VIP: variants seen among roughly 807,000 people sequenced by gnomAD.
VIP encodes VIP peptides.
A neutral mutation model predicts 20.1 loss-of-function variants in VIP; 18 were observed. The ratio of observed to expected loss-of-function variants is 0.90; its 90% confidence interval spans 0.62 to 1.33. The LOEUF (loss-of-function observed/expected upper bound fraction) is 1.33, where lower values mean the gene tolerates loss of function less well. Among genes scored for constraint, VIP ranks in the 40% most tolerant of loss-of-function variants. The pLI is 0.00. For missense variants in VIP, 209 were observed against 199.4 expected, an observed-to-expected ratio of 1.05 and a Z score of -0.29; for synonymous variants, 70 against 68.1, an observed-to-expected ratio of 1.03 and a Z score of -0.14.
At chr6:152,757,052 T>C (rs757733545) in intron 5 of VIP, 44 bp from the exon 6 acceptor site, 1 of 1,598,286 alleles carries the variant, frequency 6.3e-7, no homozygotes. Flanking sequence ...AGACCCTTTC[T>C]CATCTGAGAG....
At chr6:152,754,828 G>GA (rs1207475404) in intron 3 of VIP, among the ~76,000 whole-genome samples, 11 of 149,654 alleles carry the variant, frequency 7.4e-5, no homozygotes, top group East Asian at 2.0e-4. Flanking sequence ...TTTGGAAAAA[G>GA]AAAAAAAAAG....
At position 152,757,077 on chromosome 6, in the gene VIP, A is replaced by G. The variant is rs778432313; in HGVS notation, c.468-19A>G. 9 of 1,611,232 alleles carry G rather than the reference A, an allele frequency of 5.6e-6. No individual in the cohort carries two copies. The highest frequency in any genetic ancestry group is 1.3e-5 in the African/African-American group (1 of 74,782). On this transcript the variant is annotated intron_variant, in intron 5 of 6. Coordinates refer to ENST00000367244, the MANE Select transcript of VIP (RefSeq NM_003381.4). Reference sequence around the variant, plus strand: ...TCATCTGAGAGCCTTAATATGTACAATGTTTTTCTGGTCTGCAGCAGTGAG... The same window carrying G: ...TCATCTGAGAGCCTTAATATGTACAGTGTTTTTCTGGTCTGCAGCAGTGAG...
At chr6:152,752,071 C>G in intron 1 of VIP, 97 bp from the exon 2 acceptor site, 1 of 728,238 alleles carries the variant, frequency 1.4e-6, no homozygotes, top group South Asian at 2.1e-5. Flanking sequence ...TCTTTACAAA[C>G]TCTGCAAGAG....
In VIP at chr6:152,755,288, G is replaced by A. The variant is rs1260431416; in HGVS notation, c.250G>A (p.Gly84Arg). 13 of 1,578,516 alleles carry A rather than the reference G, an allele frequency of 8.2e-6. No homozygotes were observed. The highest frequency in any genetic ancestry group is 2.3e-5 in the East Asian group (1 of 43,360). ...TTTTAGAAATGCCAGGCATGCTGAT[G>A]GAGTTTTCACCAGTGACTTCAGTAA... ...DVSRNARHADGVFTSDFSKLL... is the reference protein window; with the variant it reads ...DVSRNARHADRVFTSDFSKLL... The change falls in exon 4 of 7, where the codon GGA (glycine) becomes AGA (arginine). Residue 84 changes from glycine to arginine, a missense_variant. By Grantham distance (125) the Gly-to-Arg change is moderately radical. Transcript: ENST00000367244.
In VIP at chr6:152,757,181, A is replaced by G. The variant is rs2099730550; in HGVS notation, c.*40A>G. On this transcript the variant is annotated 3_prime_UTR_variant, in exon 6 of 7. Transcript: ENST00000367244. ...GGAGCAAAGCTGATGACAACTTCCC[A>G]GTGGTGGGTATATTCGTGCATTCCT... 4 of 1,595,530 alleles carry G rather than the reference A, an allele frequency of 2.5e-6. No homozygotes were observed. Among genetic ancestry groups the G allele is most frequent in the African/African-American group, 1.3e-5 (1 of 74,392 alleles).
In VIP at chr6:152,759,741, A is replaced by G. The variant is rs2099730953; in HGVS notation, c.*875A>G. 1 of 152,014 alleles carries G rather than the reference A, an allele frequency of 6.6e-6. No homozygotes were observed. Among genetic ancestry groups the G allele is most frequent in the South Asian group, 2.1e-4 (1 of 4,826 alleles). The allele number at this position is 152,014 out of a possible 1,614,324, so 9.4% of individuals were successfully genotyped here. The stretch of plus-strand genomic sequence containing the variant: ...TTAAGAAATCAAAGAGAGAAAATAA[A>G]GACCTTGCTTATGATTGCAGATAAT... On this transcript the variant is annotated 3_prime_UTR_variant, in exon 7 of 7. Transcript: ENST00000367244.
rs1049824331 is a variant in VIP, at chr6:152,759,444, T to C, written c.*578T>C. 3.9e-5 allele frequency: 6 copies of C among 152,006 alleles called. No individual in the cohort carries two copies. The highest frequency in any genetic ancestry group is 8.8e-5 in the Non-Finnish European group (6 of 67,942). The allele number at this position is 152,006 out of a possible 1,614,324, so 9.4% of individuals were successfully genotyped here. A position where few individuals can be genotyped will look rare whatever the true frequency, so the allele number is the denominator to read the frequency against. On this transcript the variant is annotated 3_prime_UTR_variant, in exon 7 of 7. Transcript: ENST00000367244. ...ATATTTTATAGGCAACCTTTATTTTTAATGGTGTTTTAAAAAATCTCAAAT... is the reference window on the plus strand; with the variant it reads ...ATATTTTATAGGCAACCTTTATTTTCAATGGTGTTTTAAAAAATCTCAAAT...
chr6:152,751,839 C>T (rs1372114423), intron 1 of VIP, among the ~76,000 whole-genome samples: 1 of 152,036 alleles, frequency 6.6e-6, no homozygotes, highest in Non-Finnish European at 1.5e-5. Context: ...TCAAAAAATA[C>T]ACTAAGCTTG....
At chr6:152,755,437 C>A in intron 4 of VIP, 64 bp downstream of exon 4, 1 of 1,016,716 alleles carries the variant, frequency 9.8e-7, no homozygotes, top group Non-Finnish European at 1.4e-6. Context: ...ATTGTATTTT[C>A]ACTCTTAACA....
intron 2 of VIP, among the ~76,000 whole-genome samples, chr6:152,752,602 G>T (rs1419826935): frequency 6.6e-6 from 1 of 152,010 alleles, no homozygotes; most frequent in Non-Finnish European, 1.5e-5. Flanking sequence ...TTTATCCATT[G>T]TTATCTCAAG....
At chr6:152,751,846 C>T (rs1304992332) in intron 1 of VIP, among the ~76,000 whole-genome samples, 1 of 152,094 alleles carries the variant, frequency 6.6e-6, no homozygotes, top group African/African-American at 2.4e-5. Context: ...ATACACTAAG[C>T]TTGAGTGGTA....
chr6:152,755,443 TAAC>T (rs748348810), intron 4 of VIP, 70 bp downstream of exon 4: 77 of 970,148 alleles, frequency 7.9e-5, no homozygotes, highest in Admixed American at 4.6e-4. Flanking sequence ...TTTTCACTCT[TAAC>T]AAGTTATTTA....
At chr6:152,752,367 A>T (rs1275334946) in intron 2 of VIP, 83 bp downstream of exon 2, 2 of 1,150,176 alleles carry the variant, frequency 1.7e-6, no homozygotes, top group African/African-American at 3.1e-5. Context: ...TGGACAACTA[A>T]ATAGTATAAA....
chr6:152,751,965 A>G (rs1202443316), intron 1 of VIP, among the ~76,000 whole-genome samples: 1 of 152,122 alleles, frequency 6.6e-6, no homozygotes, highest in South Asian at 2.1e-4. Context: ...GGTGAAAAGG[A>G]TTCTAATTTT....
intron 6 of VIP, 60 bp from the exon 7 acceptor site, chr6:152,758,850 A>T (rs1052074527): frequency 6.6e-6 from 1 of 152,096 alleles, no homozygotes; most frequent in African/African-American, 2.4e-5. Flanking sequence ...AGTGAATGAA[A>T]CTAAGATGCT....
At chr6:152,754,092 T>G in intron 2 of VIP, 74 bp from the exon 3 acceptor site, 1 of 1,488,192 alleles carries the variant, frequency 6.7e-7, no homozygotes, top group Non-Finnish European at 9.0e-7. Flanking sequence ...TATCTTATTT[T>G]AAATGGTTGC....
intron 2 of VIP, among the ~76,000 whole-genome samples, chr6:152,753,543 G>T (rs1014772213): frequency 5.9e-5 from 9 of 151,930 alleles, no homozygotes; most frequent in Non-Finnish European, 4.4e-5. Context: ...AAAAAAGAAG[G>T]CCCCATAAAA....
chr6:152,751,561 T>C (rs3799142), intron 1 of VIP, among the ~76,000 whole-genome samples: 27,232 of 152,098 alleles, frequency 0.18, 2,830 homozygotes, highest in African/African-American at 0.28. Flanking sequence ...CAGTAATATT[T>C]TGAGTATTAA....
Position 152,756,361 on chromosome 6 carries a change from A to G in VIP, c.467+96A>G, listed in dbSNP as rs915448496. On this transcript the variant is annotated intron_variant, in intron 5 of 6. Coordinates refer to ENST00000367244, the MANE Select transcript of VIP (RefSeq NM_003381.4). ...ACCTCTCTATCTCACTTATCTAGCT[A>G]TACTACGTGAAGCAGTGATTTTCAA... 4.4e-6 allele frequency: 6 copies of G among 1,357,088 alleles called. No individual in the cohort carries two copies. In the African/African-American group the frequency reaches 7.4e-5, roughly 17 times the overall value. The allele number at this position is 1,357,088 out of a possible 1,614,324, so 84.1% of individuals were successfully genotyped here. A position where few individuals can be genotyped will look rare whatever the true frequency, so the allele number is the denominator to read the frequency against.
Sources: gnomAD v4.1 joint callset for allele counts (sites outside exome capture counted in the v4.1 genomes callset) on GRCh38, gnomAD v4.1.1 for gene constraint, MANE v1.5 for transcripts, NCBI Gene and HGNC (gene_info 2026-07-23, HGNC 2026-07-21) for gene names.